Variants in LGI1 observed in about 807,000 individuals in gnomAD.
LGI1 encodes leucine rich glioma inactivated 1.
A neutral mutation model predicts 57.7 loss-of-function variants in LGI1; 11 were observed. The observed-to-expected ratio is 0.19, with a 90% CI of 0.12 to 0.32. The LOEUF is 0.32. Ranked by LOEUF, LGI1 falls within the 10% of genes least tolerant of loss-of-function variation. LGI1 has a pLI of 1.00. For missense variants in LGI1, 422 were observed against 661.9 expected (o/e 0.64, Z 3.98); for synonymous variants, 222 against 241.9 (o/e 0.92, Z 0.76).
chr10:93,769,047 A>C (rs1317820107), intron 2 of LGI1: 1 of 152,220 alleles, frequency 6.6e-6, no homozygotes, highest in Non-Finnish European at 1.5e-5. Flanking sequence ...CATATTTTTA[A>C]ATATTCAAAT....
In LGI1 at chr10:93,760,929, C is replaced by T. The variant is rs1201557836; in HGVS notation, c.287+2098C>T. The stretch of plus-strand genomic sequence containing the variant: ...GATTGGCTAACCTCAACATGGTAGA[C>T]TTGTGCCAGAGCTGAACTTATGCAA... On this transcript the variant is annotated intron_variant, in intron 2 of 7. Transcript: ENST00000371418. 2.0e-5 allele frequency among the ~76,000 whole-genome samples: 3 copies of T among 152,280 alleles called. No homozygotes were observed. In the South Asian group the frequency reaches 6.2e-4, roughly 32 times the overall value.
At chr10:93,760,738 A>T (rs1205676578) in intron 2 of LGI1, among the ~76,000 whole-genome samples, 2 of 152,242 alleles carry the variant, frequency 1.3e-5, no homozygotes, top group African/African-American at 4.8e-5. Context: ...CACAGAGGGA[A>T]GCCAAGGGAC....
At chr10:93,796,875 AT>A in intron 7 of LGI1, 92 bp from the exon 8 acceptor site, 1 of 1,021,702 alleles carries the variant, frequency 9.8e-7, no homozygotes, top group Non-Finnish European at 1.5e-6. Context: ...TTTCAGGCTG[AT>A]TTGGGTGGAA....
At chr10:93,770,478 C>T (rs920879644) in intron 2 of LGI1, 5 of 152,602 alleles carry the variant, frequency 3.3e-5, no homozygotes, top group Non-Finnish European at 7.3e-5. Context: ...TAGCTATATC[C>T]TCATTCTTAG....
chr10:93,760,673 T>A (rs1440817619), intron 2 of LGI1, among the ~76,000 whole-genome samples: 1 of 152,240 alleles, frequency 6.6e-6, no homozygotes. Context: ...CTGGACAATG[T>A]TATAGAAATA....
At chr10:93,765,068 G>A (rs2133983313) in intron 2 of LGI1, 1 of 152,254 alleles carries the variant, frequency 6.6e-6, no homozygotes, top group South Asian at 2.1e-4. Context: ...GCCAGATTTT[G>A]TTTAAATAAT....
chr10:93,793,181 T>G lies in LGI1; in HGVS notation c.674-5T>G, dbSNP rs765478722. 6.2e-7 allele frequency: 1 copy of G among 1,607,582 alleles called. No individual in the cohort carries two copies. The highest frequency in any genetic ancestry group is 8.5e-7 in the Non-Finnish European group (1 of 1,176,686). ...ACAGTTACTTATTATTTCCTATTTT[T>G]GCAGAATTTGCAAAGTCTCAAGACC... On this transcript the variant is annotated splice_region_variant and splice_polypyrimidine_tract_variant and intron_variant, in intron 6 of 7. Coordinates refer to ENST00000371418, the MANE Select transcript of LGI1 (RefSeq NM_005097.4).
intron 4 of LGI1, chr10:93,789,177 G>C (rs1564849924): frequency 2.3e-5 from 1 of 42,686 alleles, no homozygotes; most frequent in African/African-American, 3.0e-5. Flanking sequence ...ACATTCCTGT[G>C]ATCACAGGAA....
At chr10:93,788,654 C>G (rs1057240125) in intron 4 of LGI1, 2 of 152,182 alleles carry the variant, frequency 1.3e-5, no homozygotes, top group African/African-American at 4.8e-5. Flanking sequence ...GACTCAGTTC[C>G]TATTCTTGCA....
intron 2 of LGI1, chr10:93,777,043 G>C: frequency 2.5e-6 from 1 of 402,308 alleles, no homozygotes; most frequent in South Asian, 2.5e-5. Flanking sequence ...AAGCAGAAAA[G>C]ATTGTTAGTG....
chr10:93,787,761 G>T (rs1011296286), intron 4 of LGI1, among the ~76,000 whole-genome samples: 1 of 152,046 alleles, frequency 6.6e-6, no homozygotes, highest in African/African-American at 2.4e-5. Flanking sequence ...AAAAAACTTA[G>T]TTGGGCATGG....
intron 2 of LGI1, chr10:93,762,734 T>A (rs907858635): frequency 2.3e-5 from 3 of 132,708 alleles, no homozygotes; most frequent in African/African-American, 8.4e-5. Flanking sequence ...ATCTTTAACT[T>A]TTTAATTAAT....
intron 2 of LGI1, chr10:93,770,379 A>C (rs1341562442): frequency 6.6e-6 from 1 of 152,272 alleles, no homozygotes; most frequent in Non-Finnish European, 1.5e-5. Flanking sequence ...TAGCACCAAC[A>C]CATGAGCCTG....
intron 5 of LGI1, 42 bp from the exon 6 acceptor site, chr10:93,792,701 A>C: frequency 1.0e-5 from 16 of 1,585,208 alleles, no homozygotes; most frequent in Non-Finnish European, 1.4e-5. Context: ...CTGCGTGGGT[A>C]GGGCCCTTGT....
intron 4 of LGI1, among the ~76,000 whole-genome samples, chr10:93,779,348 A>G (rs1280060132): frequency 6.7e-6 from 1 of 148,808 alleles, no homozygotes; most frequent in African/African-American, 2.5e-5. Context: ...CATGCACAGA[A>G]CAGGAAAAAA....
chr10:93,762,812 T>G (rs1378525580), intron 2 of LGI1: 2 of 152,232 alleles, frequency 1.3e-5, no homozygotes, highest in African/African-American at 4.8e-5. Context: ...AGGGTCCATG[T>G]ACAGGTTTGT....
At chr10:93,796,881 G>A in intron 7 of LGI1, 87 bp from the exon 8 acceptor site, 2 of 1,079,778 alleles carry the variant, frequency 1.9e-6, no homozygotes, top group Non-Finnish European at 2.8e-6. Context: ...GCTGATTTGG[G>A]TGGAAGTTGT....
At chr10:93,782,154 A>T (rs2059852797) in intron 4 of LGI1, among the ~76,000 whole-genome samples, 1 of 152,176 alleles carries the variant, frequency 6.6e-6, no homozygotes, top group South Asian at 2.1e-4. Context: ...TTTACTACTT[A>T]TTAATAAATC....
rs1252407810 is a variant in LGI1, at chr10:93,797,299, A to G, written c.1170A>G (p.Thr390=). 2.5e-6 allele frequency: 4 copies of G among 1,614,066 alleles called. No homozygotes were observed. In the African/African-American group the frequency reaches 5.3e-5, roughly 22 times the overall value. ...TDVEYLEIVR[T]PQTLRTPHLI... ...TGGAATATCTAGAAATAGTCAGAAC[A>G]CCTCAGACACTCAGAACGCCTCATT... Residue 390 remains threonine, a synonymous_variant, in exon 8 of 8, where the codon ACA becomes ACG. Coordinates refer to ENST00000371418, the MANE Select transcript of LGI1 (RefSeq NM_005097.4). This position sits in a 1 kb window ranked among gnomAD's most constrained non-coding sequence, Gnocchi z 6.5.
Sources: allele counts gnomAD v4.1 joint callset (sites outside exome capture counted in the v4.1 genomes callset), GRCh38; gene constraint gnomAD v4.1.1; non-coding constraint Gnocchi (gnomAD v3.1); transcripts MANE v1.5; gene names NCBI Gene and HGNC (gene_info 2026-07-23, HGNC 2026-07-21).